The following FGFRL1 variants were observed in gnomAD, a reference collection of about 807,000 sequenced individuals.
FGFRL1 encodes the protein fibroblast growth factor receptor-like 1.
FGFRL1 carries 24 observed loss-of-function variants against 36.8 expected under a neutral mutation model. That is an observed-to-expected ratio of 0.65 (90% CI 0.47 to 0.92). The LOEUF is 0.92. FGFRL1 is among the 40% of genes least tolerant of loss of function. The pLI is 0.00. For synonymous variants in FGFRL1, 422 were observed against 344.1 expected, an observed-to-expected ratio of 1.23 and a Z score of -2.50; for missense variants, 785 against 753.4, an observed-to-expected ratio of 1.04 and a Z score of -0.49.
At chr4:1,018,694 A>G (rs1300332558) in intron 2 of FGFRL1, among the ~76,000 whole-genome samples, 2 of 152,144 alleles carry the variant, frequency 1.3e-5, no homozygotes, top group African/African-American at 4.8e-5. Flanking sequence ...TCTTCCCACC[A>G]GGTGCCTGTG....
chr4:1,021,363 G>A (rs1221799485), intron 2 of FGFRL1, among the ~76,000 whole-genome samples: 3 of 152,080 alleles, frequency 2.0e-5, no homozygotes, highest in South Asian at 2.1e-4. Context: ...ACAGGTGGTG[G>A]GAGGACATAC....
rs77157549 is a variant in FGFRL1, at chr4:1,015,558, C to T, written c.79+2994C>T. Among the ~76,000 whole-genome samples, 811 of 152,308 alleles carry T rather than the reference C, an allele frequency of 5.3e-3. 4 individuals carry two copies. The highest frequency in any genetic ancestry group is 0.019 in the African/African-American group (776 of 41,548). On this transcript the variant is annotated intron_variant, in intron 2 of 6. Transcript: ENST00000510644. The stretch of plus-strand genomic sequence containing the variant: ...TACCAGTCCCCTTGGAGCAAGTCAG[C>T]GTGGGTGGGGGTCTCCTTCCAGGTC...
intron 6 of FGFRL1, 104 bp downstream of exon 6, chr4:1,024,768 C>A: frequency 6.4e-6 from 9 of 1,407,278 alleles, no homozygotes; most frequent in East Asian, 2.4e-5. Context: ...CCTCCCGGGC[C>A]GTGCTGGCCA....
In FGFRL1 at chr4:1,024,930, G is replaced by A. The variant is rs745740200; in HGVS notation, c.1098G>A (p.Val366=). 9 of 1,600,156 alleles carry A rather than the reference G, an allele frequency of 5.6e-6. No homozygotes were observed. The highest frequency in any genetic ancestry group is 2.2e-5 in the East Asian group (1 of 44,712). The stretch of plus-strand genomic sequence containing the variant: ...ACCCAAAACCGCCAGGGCCACCTGT[G>A]GCCTCCTCGTCCTCGGCCACTAGCC... ...LPDPKPPGPP[V]ASSSSATSLP... Residue 366 remains valine (V), a synonymous_variant, in exon 7 of 7, where the codon GTG becomes GTA. Coordinates refer to ENST00000510644, the MANE Select transcript of FGFRL1 (RefSeq NM_001004356.3).
At position 1,025,255 on chromosome 4, in the gene FGFRL1, T is replaced by C. The variant is rs375421159; in HGVS notation, c.1423T>C (p.Tyr475His). ...TGGCCCTAAGTTGTACCCCAAACTCTACACAGACATCCACACACACACACA... is the reference window on the plus strand; with the variant it reads ...TGGCCCTAAGTTGTACCCCAAACTCCACACAGACATCCACACACACACACA... ...VAGPKLYPKLYTDIHTHTHTH... is the reference protein window; with the variant it reads ...VAGPKLYPKLHTDIHTHTHTH... The change falls in exon 7 of 7, where the codon TAC becomes CAC. Residue 475 changes from tyrosine to histidine, a missense_variant. Physicochemically the swap from Tyr to His is moderately conservative, Grantham distance 83. Transcript: ENST00000510644. The C allele has an allele frequency of 2.6e-5, 41 of 1,605,240 alleles. No homozygotes were observed. Among genetic ancestry groups the C allele is most frequent in the Non-Finnish European group, 3.4e-5 (40 of 1,176,400 alleles).
Position 1,024,595 on chromosome 4 carries a change from A to T in FGFRL1, c.1003A>T (p.Met335Leu). 1 of 1,612,246 alleles carries T rather than the reference A, an allele frequency of 6.2e-7. No homozygotes were observed. Among genetic ancestry groups the T allele is most frequent in the Non-Finnish European group, 8.5e-7 (1 of 1,179,778 alleles). ...ITRARQDDAG[M>L]YICLGANTMG... ...CCGTGCCCGCCAGGACGATGCGGGCATGTACATCTGCCTTGGCGCCAACAC... is the reference window on the plus strand; with the variant it reads ...CCGTGCCCGCCAGGACGATGCGGGCTTGTACATCTGCCTTGGCGCCAACAC... The change falls in exon 6 of 7, where the codon ATG becomes TTG. Residue 335 changes from methionine (M) to leucine (L), a missense_variant. By Grantham distance (15) the Met-to-Leu change is conservative (BLOSUM62 2). Coordinates refer to ENST00000510644, the MANE Select transcript of FGFRL1 (RefSeq NM_001004356.3).
chr4:1,018,535 AGTGTGTGTG>A (rs1716013305), intron 2 of FGFRL1, among the ~76,000 whole-genome samples: 1 of 151,916 alleles, frequency 6.6e-6, no homozygotes, highest in Admixed American at 6.6e-5. Context: ...GCTGTGGCTA[AGTGTGTGTG>A]CAGGGCAGGG....
intron 2 of FGFRL1, among the ~76,000 whole-genome samples, chr4:1,015,390 G>A (rs922300298): frequency 6.6e-6 from 1 of 152,218 alleles, no homozygotes; most frequent in Non-Finnish European, 1.5e-5. Context: ...CAAGCCCCAG[G>A]GTGCCTGGCT....
intron 2 of FGFRL1, among the ~76,000 whole-genome samples, chr4:1,019,425 G>C (rs897429420): frequency 6.6e-6 from 1 of 152,258 alleles, no homozygotes; most frequent in African/African-American, 2.4e-5. Context: ...GGGCCACAGG[G>C]GCTGGGCTGG....
At position 1,023,650 on chromosome 4, in the gene FGFRL1, G is replaced by C; in HGVS notation, c.362G>C (p.Ser121Thr). ...NYTLVVLDDI[S>T]PGKESLGPDS... ...CTCCGTCTCTCTGCAGATGACATTA[G>C]CCCAGGGAAGGAGAGCCTGGGGCCC... Residue 121 changes from serine (S) to threonine (T), a missense_variant, in exon 4 of 7, where the codon AGC becomes ACC. By Grantham distance (58) the Ser-to-Thr change is moderately conservative. Transcript: ENST00000510644. This position sits in a 1 kb window ranked among gnomAD's most constrained non-coding sequence, Gnocchi z 6.0. 1 of 1,602,178 alleles carries C rather than the reference G, an allele frequency of 6.2e-7. No homozygotes were observed. The highest frequency in any genetic ancestry group is 1.1e-5 in the South Asian group (1 of 89,106).
chr4:1,025,318 G>T lies in FGFRL1; in HGVS notation c.1486G>T (p.Val496Phe). 1.9e-6 allele frequency: 3 copies of T among 1,559,204 alleles called. No homozygotes were observed. The part of the protein sequence containing the change: ...SHTHSHVEGK[V>F]HQHIHYQC ...CACACACTCACACGTGGAGGGCAAG[G>T]TCCACCAGCACATCCACTATCAGTG... The change falls in exon 7 of 7, where the codon GTC becomes TTC. Residue 496 changes from valine to phenylalanine, a missense_variant. Val to Phe is a conservative substitution (Grantham distance 50). Transcript: ENST00000510644.
At position 1,024,403 on chromosome 4, in the gene FGFRL1, C is replaced by G. The variant is rs765429291; in HGVS notation, c.811C>G (p.Arg271Gly). 2 of 1,612,584 alleles carry G rather than the reference C, an allele frequency of 1.2e-6. No homozygotes were observed. The highest frequency in any genetic ancestry group is 1.3e-5 in the African/African-American group (1 of 75,032). ...GACCACGTCCTTCCAGTGCAAGGTG[C>G]GCAGCGACGTGAAGCCGGTGATCCA... ...GGTTSFQCKV[R>G]SDVKPVIQWL... The change falls in exon 6 of 7, where the codon CGC becomes GGC. Residue 271 changes from arginine (R) to glycine (G), a missense_variant. Arg to Gly is a moderately radical substitution (Grantham distance 125). Transcript: ENST00000510644.
In FGFRL1 at chr4:1,025,290, TCACACACACTCA is replaced by T. The variant is rs771696328; in HGVS notation, c.1462_1473del (p.Thr488_His491del). ...TCCACACACACACACACACACACTC[TCACACACACTCA>T]CACGTGGAGGGCAAGGTCCACCAGC... On this transcript the variant is annotated inframe_deletion, in exon 7 of 7. Coordinates refer to ENST00000510644, the MANE Select transcript of FGFRL1 (RefSeq NM_001004356.3). 1.9e-6 allele frequency: 3 copies of T among 1,569,650 alleles called. No individual in the cohort carries two copies. The highest frequency in any genetic ancestry group is 1.9e-5 in the Admixed American group (1 of 53,778).
intron 2 of FGFRL1, among the ~76,000 whole-genome samples, chr4:1,016,235 T>C (rs992487656): frequency 2.0e-5 from 3 of 152,072 alleles, no homozygotes; most frequent in African/African-American, 4.8e-5. Context: ...GGAAATGTTC[T>C]TGTTGATGCT....
chr4:1,021,148 G>A lies in FGFRL1; in HGVS notation c.80-1055G>A, dbSNP rs553316219. 3.2e-3 allele frequency among the ~76,000 whole-genome samples: 414 copies of A among 128,282 alleles called. 3 individuals are homozygous for A. Among genetic ancestry groups the A allele is most frequent in the African/African-American group, 0.012 (400 of 32,580 alleles). The allele number at this position is 128,282 out of a possible 152,430, so 84.2% of individuals were successfully genotyped here. ...GGACCCAGGCAGGGGAAGGGGTGAGGTGGGGACCCAGACAGGGGGTGGGGT... is the reference window on the plus strand; with the variant it reads ...GGACCCAGGCAGGGGAAGGGGTGAGATGGGGACCCAGACAGGGGGTGGGGT... On this transcript the variant is annotated intron_variant, in intron 2 of 6. Transcript: ENST00000510644.
rs1302129747 is a variant in FGFRL1 at position 1,012,464 on chromosome 4, C to T, written c.-16-6C>T. On this transcript the variant is annotated splice_region_variant and splice_polypyrimidine_tract_variant and intron_variant, in intron 1 of 6. Coordinates refer to ENST00000510644, the MANE Select transcript of FGFRL1 (RefSeq NM_001004356.3). ...GTGTTAGTGACGGCGCCCCCAATGT[C>T]CCCAGGTCCGGACAGGCCGAGATGA... 2 of 1,577,208 alleles carry T rather than the reference C, an allele frequency of 1.3e-6. No individual in the cohort carries two copies. The highest frequency in any genetic ancestry group is 3.5e-5 in the Admixed American group (2 of 57,442).
intron 2 of FGFRL1, among the ~76,000 whole-genome samples, chr4:1,015,915 G>T (rs116709547): frequency 0.048 from 7,376 of 152,352 alleles, 232 homozygotes; most frequent in Middle Eastern, 0.16. Flanking sequence ...GCTTGGTGTG[G>T]AGCGCAGTAC....
At chr4:1,019,940 G>T (rs1293105343) in intron 2 of FGFRL1, among the ~76,000 whole-genome samples, 1 of 152,222 alleles carries the variant, frequency 6.6e-6, no homozygotes, top group Non-Finnish European at 1.5e-5. Flanking sequence ...GGGAGGCGCC[G>T]TGTCTCCACT....
chr4:1,018,347 C>T (rs1349781952), intron 2 of FGFRL1, among the ~76,000 whole-genome samples: 5 of 134,578 alleles, frequency 3.7e-5, no homozygotes, highest in Admixed American at 7.5e-5. Flanking sequence ...TTTTTTACAG[C>T]TGGGCAGGGG....
Sources: allele counts gnomAD v4.1 joint callset (sites outside exome capture counted in the v4.1 genomes callset), GRCh38; gene constraint gnomAD v4.1.1; non-coding constraint Gnocchi (gnomAD v3.1); transcripts MANE v1.5; gene names NCBI Gene and HGNC (gene_info 2026-07-23, HGNC 2026-07-21).